The following DYNC2I1 variants were observed in gnomAD, a reference collection of about 807,000 sequenced individuals.
DYNC2I1 encodes cytoplasmic dynein 2 intermediate chain 1.
In DYNC2I1, 89 loss-of-function variants were observed where a neutral mutation model predicts 133.4. The ratio of observed to expected loss-of-function variants is 0.67; its 90% CI spans 0.56 to 0.80. DYNC2I1 has a LOEUF of 0.80. Among genes scored for constraint, DYNC2I1 ranks in the 30% least tolerant of loss-of-function variants. The pLI is 0.00. For missense variants in DYNC2I1, 1,291 were observed against 1,314.5 expected, an observed-to-expected ratio of 0.98 and a Z score of 0.28; for synonymous variants, 504 against 484.3, an observed-to-expected ratio of 1.04 and a Z score of -0.54.
At chr7:158,844,316 G>T in the DYNC2I1 span, among the ~76,000 whole-genome samples, 1 of 152,150 alleles carries the variant, frequency 6.6e-6, no homozygotes, top group African/African-American at 2.4e-5. Context: ...TCTCAGTCTG[G>T]TTTACTAAGC....
intron 2 of DYNC2I1, among the ~76,000 whole-genome samples, 179 bp from the exon 3 acceptor site, chr7:158,870,963 C>T (rs1198704323): frequency 6.6e-6 from 1 of 152,158 alleles, no homozygotes; most frequent in East Asian, 1.9e-4. Flanking sequence ...CTTTAGTGTT[C>T]TAAGAACATC....
chr7:158,875,091 CTTT>C (rs35170585), intron 3 of DYNC2I1, among the ~76,000 whole-genome samples: 15 of 110,560 alleles, frequency 1.4e-4, no homozygotes, highest in South Asian at 6.1e-4. Flanking sequence ...TGGTAAATGC[CTTT>C]TTTTTTTTTT....
At chr7:158,887,436 T>C (rs1012008456) in intron 7 of DYNC2I1, among the ~76,000 whole-genome samples, 4 of 152,132 alleles carry the variant, frequency 2.6e-5, no homozygotes, top group Non-Finnish European at 5.9e-5. Context: ...TGTAAATGGA[T>C]ATTTACCTAA....
intron 8 of DYNC2I1, among the ~76,000 whole-genome samples, chr7:158,892,804 G>A (rs1377852093): frequency 6.6e-6 from 1 of 151,978 alleles, no homozygotes; most frequent in Non-Finnish European, 1.5e-5. Context: ...AGCTGGGTGT[G>A]GTGGCGCGTG....
chr7:158,843,841 C>CT, the DYNC2I1 span, among the ~76,000 whole-genome samples: 1 of 152,000 alleles, frequency 6.6e-6, no homozygotes, highest in Non-Finnish European at 1.5e-5. Flanking sequence ...GTGTCCTGTG[C>CT]TTTTTCCAAA....
chr7:158,905,261 C>G, intron 10 of DYNC2I1: 1 of 350,322 alleles, frequency 2.9e-6, no homozygotes, highest in Non-Finnish European at 5.4e-6. Context: ...CTGCTTCAGC[C>G]TCCCGAGTAG....
chr7:158,839,896 C>A, the DYNC2I1 span, among the ~76,000 whole-genome samples: 2 of 152,000 alleles, frequency 1.3e-5, no homozygotes, highest in African/African-American at 4.8e-5. Context: ...TCTTGTCTCG[C>A]GGCAGCCCCA....
intron 4 of DYNC2I1, among the ~76,000 whole-genome samples, chr7:158,956,404 C>T (rs1852201019): frequency 1.3e-5 from 2 of 152,208 alleles, no homozygotes; most frequent in South Asian, 4.1e-4. Flanking sequence ...GTCACCACGT[C>T]CACAGTTAAA....
At chr7:158,871,695 A>G in intron 3 of DYNC2I1, 133 bp downstream of exon 3, 1 of 1,091,872 alleles carries the variant, frequency 9.2e-7, no homozygotes, top group Non-Finnish European at 1.3e-6. Flanking sequence ...TTTTCTGGAC[A>G]GGGTCTTGCT....
intron 14 of DYNC2I1, among the ~76,000 whole-genome samples, chr7:158,916,773 TTG>T: frequency 2.3e-5 from 1 of 43,574 alleles, no homozygotes; most frequent in Non-Finnish European, 4.9e-5. Context: ...TTAAGGATGA[TTG>T]TGAAACGTCG....
chr7:158,891,169 C>T (rs1016546702), intron 7 of DYNC2I1, 96 bp from the exon 8 acceptor site: 69 of 1,351,404 alleles, frequency 5.1e-5, no homozygotes, highest in Admixed American at 1.0e-4. Flanking sequence ...TGAGGGCTGG[C>T]GGGCTCCGCA....
At chr7:158,914,893 A>G (rs1406203226) in intron 14 of DYNC2I1, among the ~76,000 whole-genome samples, 3 of 152,230 alleles carry the variant, frequency 2.0e-5, no homozygotes, top group African/African-American at 7.2e-5. Context: ...CTCAAAAAGC[A>G]GAGAATGTCT....
At chr7:158,938,692 G>T (rs1199099367) in intron 23 of DYNC2I1, among the ~76,000 whole-genome samples, 4 of 152,126 alleles carry the variant, frequency 2.6e-5, no homozygotes, top group African/African-American at 9.7e-5. Flanking sequence ...GGAGGCAAAG[G>T]TTGCAGTGAG....
intron 4 of DYNC2I1, among the ~76,000 whole-genome samples, chr7:158,877,288 G>A (rs1225860575): frequency 3.9e-5 from 6 of 152,132 alleles, no homozygotes; most frequent in African/African-American, 1.4e-4. Context: ...AGGCACCTGC[G>A]GTTCCGGATT....
At chr7:158,859,323 A>G (rs1026735538) in intron 1 of DYNC2I1, among the ~76,000 whole-genome samples, 29 of 152,102 alleles carry the variant, frequency 1.9e-4, no homozygotes, top group African/African-American at 6.3e-4. Flanking sequence ...TTTGTCTTCT[A>G]GCAGTGTGTT....
rs147082832 is a variant in DYNC2I1, at chr7:158,873,818, G to A, written c.490+2256G>A. Among the ~76,000 whole-genome samples, 649 of 151,152 alleles carry A rather than the reference G, an allele frequency of 4.3e-3. 8 individuals are homozygous for A. The highest frequency in any genetic ancestry group is 0.015 in the African/African-American group (615 of 41,124). On this transcript the variant is annotated intron_variant, in intron 3 of 24. Coordinates refer to ENST00000407559, the MANE Select transcript of DYNC2I1 (RefSeq NM_018051.5). ...GTTGCCCAGGCTGGAGTGAAGAGGC[G>A]CGATCTCGGCCCACTGCAGCCTCCG...
At chr7:158,937,694 C>A (rs1850904780) in intron 23 of DYNC2I1, among the ~76,000 whole-genome samples, 1 of 149,446 alleles carries the variant, frequency 6.7e-6, no homozygotes, top group Non-Finnish European at 1.5e-5. Flanking sequence ...GAGGCCAAGG[C>A]AGGAGGATCT....
At chr7:158,875,801 T>G (rs1460543715) in intron 3 of DYNC2I1, among the ~76,000 whole-genome samples, 1 of 152,154 alleles carries the variant, frequency 6.6e-6, no homozygotes, top group African/African-American at 2.4e-5. Flanking sequence ...GGGCAGGCAT[T>G]TCCCTGGAGC....
chr7:158,919,961 G>A (rs547312484), intron 15 of DYNC2I1, among the ~76,000 whole-genome samples: 7 of 152,176 alleles, frequency 4.6e-5, no homozygotes, highest in South Asian at 2.1e-4. Context: ...CGGAGAACAC[G>A]TGAAGTGTGT....
Sources: gnomAD v4.1 joint callset for allele counts (sites outside exome capture counted in the v4.1 genomes callset) on GRCh38, gnomAD v4.1.1 for gene constraint, MANE v1.5 for transcripts, NCBI Gene and HGNC (gene_info 2026-07-23, HGNC 2026-07-21) for gene names.